MLXIPL: variants seen among roughly 807,000 people sequenced by gnomAD.
MLXIPL encodes carbohydrate-responsive element-binding protein.
MLXIPL carries 49 observed loss-of-function variants against 81.5 expected under a neutral mutation model. That is an observed-to-expected ratio of 0.60 (90% confidence interval 0.48 to 0.76). MLXIPL has a LOEUF of 0.76. Among genes scored for constraint, MLXIPL ranks in the 30% least tolerant of loss-of-function variants. The pLI is 0.00. For missense variants in MLXIPL, 1,053 were observed against 1,167.0 expected (o/e 0.90, Z 1.42); for synonymous variants, 466 against 485.5 (o/e 0.96, Z 0.53).
At chr7:73,617,794 A>G (rs1796089488) in intron 1 of MLXIPL, among the ~76,000 whole-genome samples, 1 of 151,960 alleles carries the variant, frequency 6.6e-6, no homozygotes, top group Admixed American at 6.6e-5. Flanking sequence ...ACAGTGAGCT[A>G]TGATCACGCC....
At chr7:73,644,640 T>C in the MLXIPL span, among the ~76,000 whole-genome samples, 8 of 152,192 alleles carry the variant, frequency 5.3e-5, no homozygotes, top group African/African-American at 1.9e-4. Flanking sequence ...TGTCCCTCTT[T>C]TCCTCCCCCC....
At chr7:73,647,105 C>T in the MLXIPL span, among the ~76,000 whole-genome samples, 1 of 152,188 alleles carries the variant, frequency 6.6e-6, no homozygotes, top group Non-Finnish European at 1.5e-5. Flanking sequence ...CAGACACAGA[C>T]AAGAACCCAA....
Position 73,594,278 on chromosome 7 carries a change from C to T in MLXIPL, c.2436G>A (p.Arg812=). Residue 812 remains arginine, a synonymous_variant, in exon 16 of 17, where the codon CGG becomes CGA. Coordinates refer to ENST00000313375, the MANE Select transcript of MLXIPL (RefSeq NM_032951.3). ...GCAGGGAGATGGCTCACGTACTTGG[C>T]CGGAGAGCGGGCAGAGAGCAGTACT... The part of the protein sequence containing the change: ...LDQYCSLPAL[R]PTVLNSLRQL... The T allele has an allele frequency of 6.2e-7, 1 of 1,611,948 alleles. No individual in the cohort carries two copies.
the MLXIPL span, among the ~76,000 whole-genome samples, chr7:73,631,508 C>T: frequency 6.7e-6 from 1 of 148,596 alleles, no homozygotes; most frequent in African/African-American, 2.5e-5. Flanking sequence ...TGCATTTAGC[C>T]TCAGGGTGAC....
chr7:73,595,810 C>G (rs1554593478), intron 14 of MLXIPL, 32 bp downstream of exon 14: 1 of 1,586,116 alleles, frequency 6.3e-7, no homozygotes. Context: ...GCATGGCCCC[C>G]TGGTCCCAGC....
At chr7:73,605,804 C>T (rs1554597792) in intron 6 of MLXIPL, 36 bp from the exon 7 acceptor site, 6 of 1,602,448 alleles carry the variant, frequency 3.7e-6, no homozygotes, top group Non-Finnish European at 5.1e-6. Flanking sequence ...CAGCAGCAGG[C>T]AGGGAGGAGC....
intron 2 of MLXIPL, among the ~76,000 whole-genome samples, chr7:73,612,600 C>T (rs1343708152): frequency 6.6e-6 from 1 of 150,800 alleles, no homozygotes; most frequent in Non-Finnish European, 1.5e-5. Flanking sequence ...CGAGAGCACA[C>T]CATTGCACTC....
At chr7:73,635,756 A>T in the MLXIPL span, among the ~76,000 whole-genome samples, 1 of 152,054 alleles carries the variant, frequency 6.6e-6, no homozygotes, top group Non-Finnish European at 1.5e-5. Flanking sequence ...CCATCAGTCC[A>T]TTCATCTACC....
intron 1 of MLXIPL, among the ~76,000 whole-genome samples, chr7:73,622,489 C>CA (rs1194006278): frequency 0.022 from 2,596 of 118,944 alleles, 26 homozygotes; most frequent in Non-Finnish European, 0.031. Flanking sequence ...AACTCTGTCT[C>CA]AAAAAAAAAA....
chr7:73,594,456 G>T (rs1255987202), intron 15 of MLXIPL, 53 bp from the exon 16 acceptor site: 1 of 1,598,106 alleles, frequency 6.3e-7, no homozygotes. Flanking sequence ...CCCACACCAC[G>T]TGGAGCCCTG....
the MLXIPL span, among the ~76,000 whole-genome samples, chr7:73,640,417 A>G: frequency 3.7e-4 from 53 of 143,412 alleles, no homozygotes; most frequent in African/African-American, 1.3e-3. Flanking sequence ...AAAAAAAAAG[A>G]AAAAGAAAAA....
the MLXIPL span, among the ~76,000 whole-genome samples, chr7:73,641,055 A>G: frequency 1.3e-5 from 2 of 151,666 alleles, no homozygotes; most frequent in Non-Finnish European, 2.9e-5. Flanking sequence ...TAATCCTCGC[A>G]CTTTGGGAGG....
chr7:73,593,732 T>C lies in MLXIPL; in HGVS notation c.*133A>G. The C allele has an allele frequency of 2.4e-6, 2 of 829,052 alleles. No individual in the cohort carries two copies. Among genetic ancestry groups the C allele is most frequent in the Non-Finnish European group, 4.1e-6 (2 of 483,534 alleles). 51.4% of individuals were successfully genotyped at this position (829,052 alleles called of 1,614,324 possible). A position where few individuals can be genotyped will look rare whatever the true frequency, so the allele number is the denominator to read the frequency against. On this transcript the variant is annotated 3_prime_UTR_variant, in exon 17 of 17. Coordinates refer to ENST00000313375, the MANE Select transcript of MLXIPL (RefSeq NM_032951.3). ...GGTGGCAAGTGTGAAACCTGGACCC[T>C]GCTCCACCCCCCAGGGAAGGGCAGA...
At chr7:73,597,747 A>G (rs782478594) in intron 8 of MLXIPL, 34 bp from the exon 9 acceptor site, 5 of 1,321,828 alleles carry the variant, frequency 3.8e-6, no homozygotes, top group Middle Eastern at 2.5e-4. Flanking sequence ...CTCAGAGAGC[A>G]GGGGAGAGAG....
chr7:73,639,059 T>C, the MLXIPL span, among the ~76,000 whole-genome samples: 1 of 152,060 alleles, frequency 6.6e-6, no homozygotes, highest in African/African-American at 2.4e-5. Context: ...GGCTGCAGCC[T>C]GTGGTGAGGC....
chr7:73,606,147 C>G lies in MLXIPL; in HGVS notation c.619-36G>C, dbSNP rs1795264559. 9.7e-6 allele frequency: 15 copies of G among 1,549,474 alleles called. No individual in the cohort carries two copies. The East Asian group carries it at 3.1e-4, about 32-fold the overall frequency. ...AGAGCCGTCAGCAGCCGCTAGAGAG[C>G]TCCCACTGCCCCGATCTTCCATATC... is the stretch of plus-strand genomic sequence containing the variant. On this transcript the variant is annotated intron_variant, in intron 5 of 16. Transcript: ENST00000313375.
At chr7:73,621,840 C>CTTT (rs2116516524) in intron 1 of MLXIPL, among the ~76,000 whole-genome samples, 1 of 102,960 alleles carries the variant, frequency 9.7e-6, no homozygotes, top group Admixed American at 9.3e-5. Flanking sequence ...TCCCTCCCTC[C>CTTT]ATCTCCCTCC....
At chr7:73,605,628 A>C (rs1584108019) in intron 7 of MLXIPL, 60 bp downstream of exon 7, 3 of 1,544,680 alleles carry the variant, frequency 1.9e-6, no homozygotes, top group Non-Finnish European at 2.7e-6. Context: ...GGATGGGCTC[A>C]TCGGCCTTCC....
rs189349486 is a variant in MLXIPL, at chr7:73,604,083, G to T, written c.901+1605C>A. On this transcript the variant is annotated intron_variant, in intron 7 of 16. Coordinates refer to ENST00000313375, the MANE Select transcript of MLXIPL (RefSeq NM_032951.3). Reference sequence around the variant, plus strand: ...ATACAAAAAGTAGCTGGGTGTGGTGGCACATGCCTGTAATCCCAGCTACTC... The same window carrying T: ...ATACAAAAAGTAGCTGGGTGTGGTGTCACATGCCTGTAATCCCAGCTACTC... Among the ~76,000 whole-genome samples, 3 of 151,948 alleles carry T rather than the reference G, an allele frequency of 2.0e-5. No homozygotes were observed. The East Asian group carries it at 5.8e-4, about 29-fold the overall frequency.
Sources: allele counts gnomAD v4.1 joint callset (sites outside exome capture counted in the v4.1 genomes callset), GRCh38; gene constraint gnomAD v4.1.1; transcripts MANE v1.5; gene names NCBI Gene and HGNC (gene_info 2026-07-23, HGNC 2026-07-21).